Variants in GRIK4 observed in about 807,000 individuals in gnomAD.
GRIK4 encodes glutamate receptor ionotropic, kainate 4.
A neutral mutation model predicts 104.9 loss-of-function variants in GRIK4; 40 were observed. The ratio of observed to expected loss-of-function variants is 0.38; its 90% CI spans 0.30 to 0.50. GRIK4 has a LOEUF of 0.50. GRIK4 is among the 20% of genes least tolerant of loss of function. The pLI, the probability that GRIK4 is intolerant of heterozygous loss-of-function variation, is 0.93. For synonymous variants in GRIK4, 485 were observed against 524.9 expected (o/e 0.92, Z 1.04); for missense variants, 1,047 against 1,308.1 (o/e 0.80, Z 3.08).
At chr11:120,936,883 C>T (rs1943608989) in intron 13 of GRIK4, among the ~76,000 whole-genome samples, 1 of 151,526 alleles carries the variant, frequency 6.6e-6, no homozygotes, top group Admixed American at 6.6e-5. Flanking sequence ...GGCAGAGGAG[C>T]AGAAGGGCTT....
chr11:120,834,510 G>A (rs147411701), intron 7 of GRIK4, among the ~76,000 whole-genome samples: 275 of 152,310 alleles, frequency 1.8e-3, no homozygotes, highest in Non-Finnish European at 3.0e-3. Flanking sequence ...GCAGGCAGGC[G>A]TTCCATCAGG....
intron 11 of GRIK4, among the ~76,000 whole-genome samples, chr11:120,893,885 CTG>C (rs1483680991): frequency 6.6e-6 from 1 of 152,216 alleles, no homozygotes; most frequent in Non-Finnish European, 1.5e-5. Flanking sequence ...TAACCTTTCT[CTG>C]TCATCCTGTT....
intron 3 of GRIK4, among the ~76,000 whole-genome samples, chr11:120,738,514 C>G (rs1041671663): frequency 6.6e-6 from 1 of 152,226 alleles, no homozygotes; most frequent in African/African-American, 2.4e-5. Flanking sequence ...ATGGTGTGTT[C>G]TGCTGAAGTC....
chr11:120,950,069 A>C (rs1241748577), intron 14 of GRIK4, among the ~76,000 whole-genome samples: 2 of 152,200 alleles, frequency 1.3e-5, no homozygotes, highest in Non-Finnish European at 2.9e-5. Flanking sequence ...ATCCACATAG[A>C]AAAAAATGGT....
At chr11:120,734,373 A>G (rs1951188201) in intron 3 of GRIK4, among the ~76,000 whole-genome samples, 1 of 152,136 alleles carries the variant, frequency 6.6e-6, no homozygotes, top group South Asian at 2.1e-4. Context: ...ATTCTCCCCT[A>G]ACCTGTAAGG....
intron 3 of GRIK4, among the ~76,000 whole-genome samples, chr11:120,797,373 G>A (rs1004886150): frequency 5.9e-5 from 9 of 152,162 alleles, no homozygotes; most frequent in Non-Finnish European, 1.2e-4. Context: ...CCTGGGGGAC[G>A]CAGTGCAGGC....
At chr11:120,830,578 T>C (rs1003687172) in intron 6 of GRIK4, among the ~76,000 whole-genome samples, 8 of 152,172 alleles carry the variant, frequency 5.3e-5, no homozygotes, top group Admixed American at 5.2e-4. Flanking sequence ...CACGGGGCCT[T>C]GGACTGGTTA....
At chr11:120,688,228 A>C (rs1008840858) in intron 3 of GRIK4, among the ~76,000 whole-genome samples, 12 of 152,176 alleles carry the variant, frequency 7.9e-5, no homozygotes, top group Admixed American at 3.3e-4. Context: ...CCAGCAGGTC[A>C]ATGGTGCCTT....
intron 3 of GRIK4, among the ~76,000 whole-genome samples, chr11:120,688,361 A>G (rs10892616): frequency 0.1 from 15,193 of 152,202 alleles, 830 homozygotes; most frequent in South Asian, 0.13. Flanking sequence ...ACACATAAAA[A>G]CCACAGGATT....
At chr11:120,564,441 C>G (rs1006708896) in intron 1 of GRIK4, 2 of 152,236 alleles carry the variant, frequency 1.3e-5, no homozygotes, top group East Asian at 1.9e-4. Flanking sequence ...CCTCCTTTCC[C>G]GATTCCCCGA....
intron 1 of GRIK4, among the ~76,000 whole-genome samples, chr11:120,557,977 C>T (rs953706938): frequency 1.4e-5 from 2 of 143,322 alleles, no homozygotes; most frequent in African/African-American, 5.2e-5. Context: ...GAGATTGGGC[C>T]ACTGCAGTCC....
At chr11:120,889,513 T>C (rs1955214027) in intron 11 of GRIK4, among the ~76,000 whole-genome samples, 1 of 151,074 alleles carries the variant, frequency 6.6e-6, no homozygotes, top group Non-Finnish European at 1.5e-5. Context: ...AAAAGAGTCA[T>C]TGGTTATGGT....
At chr11:120,730,241 A>G (rs3133851) in intron 3 of GRIK4, among the ~76,000 whole-genome samples, 80,399 of 151,906 alleles carry the variant, frequency 0.53, 21,654 homozygotes, top group Middle Eastern at 0.59. Context: ...ACCTGTAGTC[A>G]CAGCTACTCG....
At chr11:120,856,385 A>G (rs1954105947) in intron 8 of GRIK4, among the ~76,000 whole-genome samples, 1 of 152,222 alleles carries the variant, frequency 6.6e-6, no homozygotes, top group Non-Finnish European at 1.5e-5. Context: ...CTGGGAATTG[A>G]ACAGCATAGT....
intron 19 of GRIK4, among the ~76,000 whole-genome samples, chr11:120,977,598 G>A (rs1006938261): frequency 6.6e-6 from 1 of 152,156 alleles, no homozygotes; most frequent in Non-Finnish European, 1.5e-5. Flanking sequence ...CTCAAGGCAC[G>A]AATGGTATAC....
chr11:120,971,544 A>G (rs1022967816), intron 19 of GRIK4, among the ~76,000 whole-genome samples: 1 of 152,230 alleles, frequency 6.6e-6, no homozygotes, highest in Non-Finnish European at 1.5e-5. Context: ...AGCGTGGTAA[A>G]CTACTGTGTA....
intron 3 of GRIK4, among the ~76,000 whole-genome samples, chr11:120,679,789 T>C (rs548473831): frequency 6.6e-6 from 1 of 152,270 alleles, no homozygotes; most frequent in South Asian, 2.1e-4. Context: ...AAGCTCAAAC[T>C]CCTTTTCAGG....
At chr11:120,759,866 G>A (rs1314092286) in intron 3 of GRIK4, among the ~76,000 whole-genome samples, 1 of 151,752 alleles carries the variant, frequency 6.6e-6, no homozygotes, top group African/African-American at 2.4e-5. Flanking sequence ...GTATATATTT[G>A]AGGCTTACAA....
chr11:120,689,486 A>G (rs1950324208), intron 3 of GRIK4, among the ~76,000 whole-genome samples: 1 of 150,702 alleles, frequency 6.6e-6, no homozygotes, highest in South Asian at 2.1e-4. Flanking sequence ...ATCTTCCTCC[A>G]TTCCCTCCCA....
Sources: allele counts gnomAD v4.1 joint callset (sites outside exome capture counted in the v4.1 genomes callset), GRCh38; gene constraint gnomAD v4.1.1; transcripts MANE v1.5; gene names NCBI Gene and HGNC (gene_info 2026-07-23, HGNC 2026-07-21).